Variants in DGLUCY observed in about 807,000 individuals in gnomAD.
The protein encoded by DGLUCY is D-glutamate cyclase, mitochondrial.
A neutral mutation model predicts 58.5 loss-of-function variants in DGLUCY; 58 were observed. The observed-to-expected ratio is 0.99, with a 90% confidence interval of 0.80 to 1.23. The LOEUF (loss-of-function observed/expected upper bound fraction) is 1.23. Among genes scored for constraint, DGLUCY ranks in the 50% most tolerant of loss-of-function variants. The probability of loss-of-function intolerance (pLI) is 0.00; values close to 1 mark genes in which losing one functional copy is unlikely to be tolerated. For synonymous variants in DGLUCY, 325 were observed against 314.1 expected, an observed-to-expected ratio of 1.03 and a Z score of -0.37; for missense variants, 779 against 784.7, an observed-to-expected ratio of 0.99 and a Z score of 0.09.
chr14:91,204,877 CTGGCT>C, intron 12 of DGLUCY, 52 bp downstream of exon 12: 1 of 1,610,714 alleles, frequency 6.2e-7, no homozygotes, highest in Non-Finnish European at 8.5e-7. Context: ...GGTGAGCGAC[CTGGCT>C]TGGAGCCTGA....
intron 1 of DGLUCY, among the ~76,000 whole-genome samples, chr14:91,136,772 C>T (rs569913068): frequency 6.6e-6 from 1 of 151,996 alleles, no homozygotes; most frequent in African/African-American, 2.4e-5. Flanking sequence ...AGTTTGAGAC[C>T]AGCCTGGCCA....
chr14:91,150,533 C>G (rs1248981519), intron 1 of DGLUCY, among the ~76,000 whole-genome samples: 1 of 152,096 alleles, frequency 6.6e-6, no homozygotes, highest in African/African-American at 2.4e-5. Context: ...TCTTGACCTC[C>G]TGGGCTCAAG....
At chr14:91,173,562 C>T (rs189139163) in intron 6 of DGLUCY, 123 bp downstream of exon 6, 1 of 1,310,650 alleles carries the variant, frequency 7.6e-7, no homozygotes, top group Non-Finnish European at 1.0e-6. Context: ...GTCTCTCGCT[C>T]CTGCCCATGA....
At position 91,167,530 on chromosome 14, in the gene DGLUCY, G is replaced by A. The variant is rs141763147; in HGVS notation, c.257+152G>A. On this transcript the variant is annotated intron_variant, in intron 4 of 13. Transcript: ENST00000256324. The stretch of plus-strand genomic sequence containing the variant: ...ACTCATGACTGTTGCTCAGGAACGA[G>A]CTGCCCTCCCCACTGTTCTGACTCC... 1.4e-4 allele frequency: 142 copies of A among 1,009,536 alleles called. No homozygotes were observed. The African/African-American group carries it at 2.1e-3, about 15-fold the overall frequency. The allele number at this position is 1,009,536 out of a possible 1,614,324, so 62.5% of individuals were successfully genotyped here.
At chr14:91,060,620 C>T (rs542600000) in exon 1 of DGLUCY, 110 of 778,048 alleles carry the variant, frequency 1.4e-4, no homozygotes, top group Admixed American at 4.0e-4. Context: ...CCTCCCCCTT[C>T]GGCGGGCACC....
At chr14:91,216,997 C>A (rs1343942412) in intron 13 of DGLUCY, among the ~76,000 whole-genome samples, 2 of 152,228 alleles carry the variant, frequency 1.3e-5, no homozygotes, top group South Asian at 2.1e-4. Context: ...TTCCATGGCC[C>A]TCTTAGAGCA....
chr14:91,168,913 G>T (rs57931062), intron 4 of DGLUCY, among the ~76,000 whole-genome samples: 12 of 151,820 alleles, frequency 7.9e-5, no homozygotes, highest in African/African-American at 2.9e-4. Context: ...GCGGTGAAAC[G>T]CTGTCTCTAC....
intron 11 of DGLUCY, among the ~76,000 whole-genome samples, chr14:91,202,661 G>GA (rs1364513596): frequency 6.6e-6 from 1 of 152,092 alleles, no homozygotes; most frequent in Non-Finnish European, 1.5e-5. Context: ...TCAGAGTGGA[G>GA]AAAAAAGAGA....
intron 10 of DGLUCY, among the ~76,000 whole-genome samples, chr14:91,196,952 G>A (rs1431339046): frequency 1.3e-5 from 2 of 152,050 alleles, no homozygotes; most frequent in African/African-American, 2.4e-5. Flanking sequence ...CTTACTGTGT[G>A]TTATGGTCAA....
At chr14:91,178,031 C>T (rs908547350) in intron 7 of DGLUCY, among the ~76,000 whole-genome samples, 3 of 152,266 alleles carry the variant, frequency 2.0e-5, no homozygotes, top group African/African-American at 7.2e-5. Flanking sequence ...GGCAGGTGCC[C>T]TGCAGAGGAG....
At chr14:91,169,430 G>A (rs576357423) in intron 4 of DGLUCY, among the ~76,000 whole-genome samples, 1 of 150,090 alleles carries the variant, frequency 6.7e-6, no homozygotes, top group Non-Finnish European at 1.5e-5. Context: ...TTTCTTTGAG[G>A]CAGTCTCACT....
intron 6 of DGLUCY, 122 bp downstream of exon 6, chr14:91,173,561 T>C (rs994773174): frequency 7.6e-7 from 1 of 1,316,622 alleles, no homozygotes; most frequent in Non-Finnish European, 1.0e-6. Flanking sequence ...TGTCTCTCGC[T>C]CCTGCCCATG....
At chr14:91,104,264 G>A (rs1595648597), upstream of DGLUCY, among the ~76,000 whole-genome samples, 1 of 151,376 alleles carries the variant, frequency 6.6e-6, no homozygotes, top group African/African-American at 2.4e-5. Context: ...GGGTTTCACC[G>A]TGTTAGCCAG....
chr14:91,180,380 TG>T (rs1242025120), intron 7 of DGLUCY, among the ~76,000 whole-genome samples: 1 of 151,588 alleles, frequency 6.6e-6, no homozygotes, highest in Non-Finnish European at 1.5e-5. Context: ...GAGACCAGCC[TG>T]GATAACATGG....
chr14:91,190,316 G>C (rs963584836), intron 9 of DGLUCY, among the ~76,000 whole-genome samples: 6 of 152,128 alleles, frequency 3.9e-5, no homozygotes, highest in African/African-American at 1.2e-4. Flanking sequence ...CCACCCGTGA[G>C]CAAAACTGAC....
intron 1 of DGLUCY, among the ~76,000 whole-genome samples, chr14:91,100,047 C>A (rs2140081245): frequency 1.7e-5 from 2 of 119,792 alleles, no homozygotes; most frequent in East Asian, 2.1e-4. Flanking sequence ...AAGAGTGAAA[C>A]TCTGTCTCAA....
intron 12 of DGLUCY, among the ~76,000 whole-genome samples, chr14:91,213,112 G>A (rs1343383487): frequency 3.9e-5 from 6 of 151,922 alleles, no homozygotes; most frequent in Non-Finnish European, 8.8e-5. Flanking sequence ...CTCCAGCCTA[G>A]GTGACAGAGT....
intron 12 of DGLUCY, among the ~76,000 whole-genome samples, chr14:91,208,587 A>C (rs901896481): frequency 2.0e-5 from 3 of 152,250 alleles, no homozygotes; most frequent in Admixed American, 2.0e-4. Context: ...CATCTCTACA[A>C]AAAATAGAAG....
At chr14:91,190,310 C>T (rs1452616143) in intron 9 of DGLUCY, among the ~76,000 whole-genome samples, 1 of 151,796 alleles carries the variant, frequency 6.6e-6, no homozygotes, top group Non-Finnish European at 1.5e-5. Flanking sequence ...TGAGATCCAC[C>T]CGTGAGCAAA....
Sources: gnomAD v4.1 joint callset for allele counts (sites outside exome capture counted in the v4.1 genomes callset) on GRCh38, gnomAD v4.1.1 for gene constraint, MANE v1.5 for transcripts, NCBI Gene and HGNC (gene_info 2026-07-23, HGNC 2026-07-21) for gene names.